Variants in LPAR1 observed in about 807,000 individuals in gnomAD.
LPAR1 encodes lysophosphatidic acid receptor 1.
Under a neutral mutation model 23.8 loss-of-function variants are expected in LPAR1, and 5 were observed. The ratio of observed to expected loss-of-function variants is 0.21; its 90% CI spans 0.11 to 0.44. The LOEUF (loss-of-function observed/expected upper bound fraction) is 0.44, where lower values mean the gene tolerates loss of function less well. Among genes scored for constraint, LPAR1 ranks in the 20% least tolerant of loss-of-function variants. LPAR1 has a pLI of 0.99. For missense variants in LPAR1, 311 were observed against 482.8 expected (o/e 0.64, Z 3.33); for synonymous variants, 160 against 164.7 (o/e 0.97, Z 0.22).
At position 110,941,463 on chromosome 9, in the gene LPAR1, C is replaced by T. The variant is rs780532844; in HGVS notation, c.751G>A (p.Asp251Asn). The T allele has an allele frequency of 6.2e-7, 1 of 1,613,876 alleles. No individual in the cohort carries two copies. The highest frequency in any genetic ancestry group is 2.2e-5 in the East Asian group (1 of 44,874). ...GTCTTCAGAAGACTCATCATGGTATCCCGATTCCGCCGGGGTCCAGAACTA... is the reference window on the plus strand; with the variant it reads ...GTCTTCAGAAGACTCATCATGGTATTCCGATTCCGCCGGGGTCCAGAACTA... ...RHSSGPRRNR[D>N]TMMSLLKTVV... Residue 251 changes from aspartate (D) to asparagine (N), a missense_variant, in exon 5 of 6, where the codon GAT becomes AAT. This residue lies in a region of LPAR1 where 250 missense variants were observed against 427.2 expected (regional missense o/e 0.59). Transcript: ENST00000683809. This position sits in a 1 kb window ranked among gnomAD's most constrained non-coding sequence, Gnocchi z 6.1.
chr9:110,923,799 AG>A (rs2093808014), intron 5 of LPAR1, among the ~76,000 whole-genome samples: 1 of 152,210 alleles, frequency 6.6e-6, no homozygotes, highest in South Asian at 2.1e-4. Context: ...ATGAGAATCC[AG>A]GAAGTTGGGA....
At chr9:110,957,544 T>C (rs2095804633) in intron 4 of LPAR1, among the ~76,000 whole-genome samples, 1 of 152,070 alleles carries the variant, frequency 6.6e-6, no homozygotes. Context: ...CATTCTTTCA[T>C]GACAAAAACT....
intron 2 of LPAR1, among the ~76,000 whole-genome samples, chr9:110,995,164 T>C (rs1056669806): frequency 6.6e-6 from 1 of 152,182 alleles, no homozygotes; most frequent in South Asian, 2.1e-4. Flanking sequence ...TTCTTCTGCC[T>C]ACCAGTGAGA....
rs1276930182 is a variant in LPAR1 at position 110,873,321 on chromosome 9, A to G, written c.*2100T>C. 6.6e-6 allele frequency: 1 copy of G among 152,258 alleles called. No homozygotes were observed. Among genetic ancestry groups the G allele is most frequent in the Non-Finnish European group, 1.5e-5 (1 of 68,052 alleles). 9.4% of individuals were successfully genotyped at this position (152,258 alleles called of 1,614,324 possible). On this transcript the variant is annotated 3_prime_UTR_variant, in exon 6 of 6. Coordinates refer to ENST00000683809, the MANE Select transcript of LPAR1 (RefSeq NM_001351411.2). ...ATGCTTTTCATTTCAAATAATCCAT[A>G]TAGCCTCCAGAAAAATATGCACATG... is the stretch of plus-strand genomic sequence containing the variant.
At chr9:111,005,627 C>T (rs1014690002) in intron 2 of LPAR1, among the ~76,000 whole-genome samples, 1 of 150,170 alleles carries the variant, frequency 6.7e-6, no homozygotes, top group Non-Finnish European at 1.5e-5. Flanking sequence ...GTACATTCCC[C>T]AAGACCTCCC....
chr9:111,031,698 AAAGT>A (rs1297438032), intron 2 of LPAR1, among the ~76,000 whole-genome samples: 1 of 152,248 alleles, frequency 6.6e-6, no homozygotes, highest in East Asian at 1.9e-4. Context: ...AGTTGGGTTA[AAAGT>A]AAGAATAGGG....
intron 2 of LPAR1, among the ~76,000 whole-genome samples, chr9:111,022,268 C>A (rs1376084417): frequency 6.6e-6 from 1 of 152,116 alleles, no homozygotes; most frequent in East Asian, 1.9e-4. Context: ...ATGATTCTTG[C>A]AAACTGATTT....
chr9:110,926,808 A>C (rs577623010), intron 5 of LPAR1, among the ~76,000 whole-genome samples: 1 of 152,328 alleles, frequency 6.6e-6, no homozygotes, highest in African/African-American at 2.4e-5. Context: ...TCACAGTACC[A>C]AAAATGTGCC....
intron 4 of LPAR1, among the ~76,000 whole-genome samples, chr9:110,942,720 C>T (rs1273438823): frequency 1.3e-5 from 2 of 152,136 alleles, no homozygotes; most frequent in Non-Finnish European, 2.9e-5. Flanking sequence ...AGGTTTTTTG[C>T]CCAAAGCCAG....
intron 5 of LPAR1, among the ~76,000 whole-genome samples, chr9:110,902,404 CACG>C (rs1306936735): frequency 2.0e-5 from 3 of 152,046 alleles, no homozygotes; most frequent in Non-Finnish European, 4.4e-5. Flanking sequence ...AGTAAGTTAT[CACG>C]ACATCTGATG....
At chr9:111,026,434 G>A (rs574997321) in intron 2 of LPAR1, among the ~76,000 whole-genome samples, 4 of 152,174 alleles carry the variant, frequency 2.6e-5, no homozygotes, top group Non-Finnish European at 4.4e-5. Context: ...TGGCTGAGAC[G>A]ACAGGGTTTT....
intron 5 of LPAR1, among the ~76,000 whole-genome samples, chr9:110,928,466 C>G (rs1047022416): frequency 9.9e-5 from 15 of 152,090 alleles, no homozygotes; most frequent in African/African-American, 3.6e-4. Flanking sequence ...TACTGGTACT[C>G]TAGAATATAT....
rs1435272796 is a variant in LPAR1, at chr9:110,874,416, T to A, written c.*1005A>T. 1 of 152,610 alleles carries A rather than the reference T, an allele frequency of 6.6e-6. No homozygotes were observed. The highest frequency in any genetic ancestry group is 2.4e-5 in the African/African-American group (1 of 41,456). The allele number at this position is 152,610 out of a possible 1,614,324, so 9.5% of individuals were successfully genotyped here. A position where few individuals can be genotyped will look rare whatever the true frequency, so the allele number is the denominator to read the frequency against. On this transcript the variant is annotated 3_prime_UTR_variant, in exon 6 of 6. Transcript: ENST00000683809. ...CCAATTATGTAAAAAAAGTATACAA[T>A]ACACATATAGGCATACATGGGGGTT...
intron 2 of LPAR1, among the ~76,000 whole-genome samples, chr9:111,021,210 A>G (rs959563910): frequency 6.6e-6 from 1 of 152,216 alleles, no homozygotes; most frequent in South Asian, 2.1e-4. Context: ...GATCTAACGT[A>G]CAGCATGGTG....
chr9:110,917,793 T>G (rs1297946306), intron 5 of LPAR1, among the ~76,000 whole-genome samples: 1 of 152,228 alleles, frequency 6.6e-6, no homozygotes, highest in Non-Finnish European at 1.5e-5. Context: ...AAGTATGTCT[T>G]TACCTGACTC....
chr9:110,922,242 A>G (rs1002253819), intron 5 of LPAR1, among the ~76,000 whole-genome samples: 38 of 152,290 alleles, frequency 2.5e-4, no homozygotes, highest in Non-Finnish European at 5.0e-4. Flanking sequence ...GATATTTTTA[A>G]TTTGAGGGCA....
chr9:110,991,570 C>G (rs2096892573), intron 2 of LPAR1, among the ~76,000 whole-genome samples: 1 of 74,272 alleles, frequency 1.3e-5, no homozygotes, highest in African/African-American at 5.0e-5. Flanking sequence ...TAGAATCTTT[C>G]TGGTTTGTTT....
chr9:110,994,486 T>C (rs2096956916), intron 2 of LPAR1, among the ~76,000 whole-genome samples: 1 of 152,224 alleles, frequency 6.6e-6, no homozygotes, highest in Non-Finnish European at 1.5e-5. Flanking sequence ...GCTTTGTGAC[T>C]ATGTTGAAGA....
intron 2 of LPAR1, among the ~76,000 whole-genome samples, chr9:111,003,624 G>T (rs759688522): frequency 1.3e-5 from 2 of 152,050 alleles, no homozygotes; most frequent in Non-Finnish European, 2.9e-5. Context: ...TATTATTTGG[G>T]GATCAGGGAC....
Sources: gnomAD v4.1 joint callset for allele counts (sites outside exome capture counted in the v4.1 genomes callset) on GRCh38, gnomAD v4.1.1 for gene constraint, gnomAD v4.1.1 regional missense constraint, Gnocchi (gnomAD v3.1) non-coding constraint, MANE v1.5 for transcripts, NCBI Gene and HGNC (gene_info 2026-07-23, HGNC 2026-07-21) for gene names.